The following C19orf12 variants were observed in gnomAD, a reference collection of about 807,000 sequenced individuals.
C19orf12 encodes chromosome 19 open reading frame 12, also known as protein C19orf12.
Under a neutral mutation model 3.8 loss-of-function variants are expected in C19orf12, and 2 were observed. The ratio of observed to expected loss-of-function variants is 0.53; its 90% CI spans 0.22 to 1.66. C19orf12 has a LOEUF of 1.66. C19orf12 is among the 40% of genes most tolerant of loss of function. The pLI is 0.20. For missense variants in C19orf12, 156 were observed against 188.8 expected (o/e 0.83, Z 1.02); for synonymous variants, 89 against 84.6 (o/e 1.05, Z -0.28).
chr19:29,702,181 T>C lies in C19orf12; in HGVS notation c.*531A>G, dbSNP rs1247058501. The C allele has an allele frequency of 2.2e-6, 1 of 454,080 alleles. No homozygotes were observed. Among genetic ancestry groups the C allele is most frequent in the South Asian group, 1.6e-5 (1 of 64,476 alleles). The allele number at this position is 454,080 out of a possible 1,614,324, so 28.1% of individuals were successfully genotyped here. A position where few individuals can be genotyped will look rare whatever the true frequency, so the allele number is the denominator to read the frequency against. ...GCCGCCCGTCCCCTCCGTGGGGCCA[T>C]TCGACAGTCCCTGGGTAGGGGACGG... On this transcript the variant is annotated 3_prime_UTR_variant, in exon 3 of 3. Coordinates refer to ENST00000323670, the MANE Select transcript of C19orf12 (RefSeq NM_031448.6).
intron 2 of C19orf12, chr19:29,705,415 A>G (rs1972323713): frequency 5.6e-6 from 2 of 357,080 alleles, no homozygotes; most frequent in Non-Finnish European, 1.1e-5. Context: ...AAAAAAAAAA[A>G]AAAAAAAAAG....
rs1050118432 is a variant in C19orf12 at position 29,699,412 on chromosome 19, G to A, written c.*3300C>T. The A allele has an allele frequency of 1.8e-5, 7 of 390,604 alleles. No homozygotes were observed. Among genetic ancestry groups the A allele is most frequent in the Non-Finnish European group, 2.5e-5 (5 of 202,864 alleles). The allele number at this position is 390,604 out of a possible 1,614,324, so 24.2% of individuals were successfully genotyped here. A position where few individuals can be genotyped will look rare whatever the true frequency, so the allele number is the denominator to read the frequency against. On this transcript the variant is annotated 3_prime_UTR_variant, in exon 3 of 3. Coordinates refer to ENST00000323670, the MANE Select transcript of C19orf12 (RefSeq NM_031448.6). ...GCAGGAGAATGGCTTGAACCCAGGAGGCAGAGCTTGCAGTGAACCAAGATC... is the reference window on the plus strand; with the variant it reads ...GCAGGAGAATGGCTTGAACCCAGGAAGCAGAGCTTGCAGTGAACCAAGATC...
In C19orf12 at chr19:29,702,358, G is replaced by A. The variant is rs1599532134; in HGVS notation, c.*354C>T. 2.0e-6 allele frequency: 1 copy of A among 502,092 alleles called. No individual in the cohort carries two copies. The highest frequency in any genetic ancestry group is 1.9e-5 in the African/African-American group (1 of 52,170). The allele number at this position is 502,092 out of a possible 1,614,324, so 31.1% of individuals were successfully genotyped here. On this transcript the variant is annotated 3_prime_UTR_variant, in exon 3 of 3. Transcript: ENST00000323670. The stretch of plus-strand genomic sequence containing the variant: ...GAAGGCCCCGGGGGGAGGATGAAGT[G>A]TGGTCAGACCGTCGGCTGAGCGTGA...
Position 29,701,447 on chromosome 19 carries a change from A to G in C19orf12, c.*1265T>C. On this transcript the variant is annotated 3_prime_UTR_variant, in exon 3 of 3. Transcript: ENST00000323670. Reference sequence around the variant, plus strand: ...ATGCTATGTAAATATGCTACACCATATTGTTTAGGGAATAATGGCAAGAAA... The same window carrying G: ...ATGCTATGTAAATATGCTACACCATGTTGTTTAGGGAATAATGGCAAGAAA... The G allele has an allele frequency of 2.2e-6, 1 of 454,154 alleles. No homozygotes were observed. The highest frequency in any genetic ancestry group is 1.6e-5 in the South Asian group (1 of 64,484). The allele number at this position is 454,154 out of a possible 1,614,324, so 28.1% of individuals were successfully genotyped here.
At position 29,699,789 on chromosome 19, in the gene C19orf12, C is replaced by A. The variant is rs1971977958; in HGVS notation, c.*2923G>T. On this transcript the variant is annotated 3_prime_UTR_variant, in exon 3 of 3. Coordinates refer to ENST00000323670, the MANE Select transcript of C19orf12 (RefSeq NM_031448.6). Reference sequence around the variant, plus strand: ...CCCTTGCAGCTTGCGCCCTCCCGTACCTTTTAAATTTTGTACCAGGCAGGT... The same window carrying A: ...CCCTTGCAGCTTGCGCCCTCCCGTAACTTTTAAATTTTGTACCAGGCAGGT... The A allele has an allele frequency of 2.2e-6, 1 of 451,516 alleles. No homozygotes were observed. The highest frequency in any genetic ancestry group is 2.0e-5 in the African/African-American group (1 of 49,768). The allele number at this position is 451,516 out of a possible 1,614,324, so 28.0% of individuals were successfully genotyped here. A position where few individuals can be genotyped will look rare whatever the true frequency, so the allele number is the denominator to read the frequency against.
At chr19:29,709,408 G>A (rs1443605468) in intron 1 of C19orf12, among the ~76,000 whole-genome samples, 1 of 152,198 alleles carries the variant, frequency 6.6e-6, no homozygotes, top group African/African-American at 2.4e-5. Flanking sequence ...CTGAGCCCAA[G>A]GCTCCAGCAG....
chr19:29,709,108 G>C (rs562898046), intron 1 of C19orf12, among the ~76,000 whole-genome samples: 28 of 152,338 alleles, frequency 1.8e-4, no homozygotes, highest in African/African-American at 6.7e-4. Context: ...GTTCTTAAAA[G>C]TCAACACAGT....
chr19:29,704,192 G>A lies in C19orf12; in HGVS notation c.161-1215C>T, dbSNP rs143539053. Reference sequence around the variant, plus strand: ...ATGATCGATAAATAACAAACTGGCCGGGCGCAGTGGCTCACGCCTGTAATC... The same window carrying A: ...ATGATCGATAAATAACAAACTGGCCAGGCGCAGTGGCTCACGCCTGTAATC... On this transcript the variant is annotated intron_variant, in intron 2 of 2. Coordinates refer to ENST00000323670, the MANE Select transcript of C19orf12 (RefSeq NM_031448.6). Among the ~76,000 whole-genome samples, 194 of 152,284 alleles carry A rather than the reference G, an allele frequency of 1.3e-3. 6 individuals are homozygous for A. In the East Asian group the frequency reaches 0.034, roughly 27 times the overall value.
chr19:29,714,487 G>A (rs1299005951), intron 1 of C19orf12, among the ~76,000 whole-genome samples: 2 of 151,980 alleles, frequency 1.3e-5, no homozygotes, highest in African/African-American at 4.8e-5. Flanking sequence ...GAGCAAGACT[G>A]TCTAAACAAA....
At position 29,702,377 on chromosome 19, in the gene C19orf12, A is replaced by C. The variant is rs753687841; in HGVS notation, c.*335T>G. 2 of 530,772 alleles carry C rather than the reference A, an allele frequency of 3.8e-6. No homozygotes were observed. The highest frequency in any genetic ancestry group is 7.2e-6 in the Non-Finnish European group (2 of 277,010). 32.9% of individuals were successfully genotyped at this position (530,772 alleles called of 1,614,324 possible). On this transcript the variant is annotated 3_prime_UTR_variant, in exon 3 of 3. Transcript: ENST00000323670. ...TGAAGTGTGGTCAGACCGTCGGCTG[A>C]GCGTGATCACTTCCCCAGACCCATG...
Position 29,702,314 on chromosome 19 carries a change from G to T in C19orf12, c.*398C>A. The T allele has an allele frequency of 2.1e-6, 1 of 466,160 alleles. No individual in the cohort carries two copies. Among genetic ancestry groups the T allele is most frequent in the Non-Finnish European group, 4.2e-6 (1 of 235,404 alleles). 28.9% of individuals were successfully genotyped at this position (466,160 alleles called of 1,614,324 possible). On this transcript the variant is annotated 3_prime_UTR_variant, in exon 3 of 3. Coordinates refer to ENST00000323670, the MANE Select transcript of C19orf12 (RefSeq NM_031448.6). ...GTCCTGCAGCAGGTGCTCTGAAGAG[G>T]AGTCATCTCCCAAGATGAGAAGGCC...
chr19:29,708,190 T>G (rs1194324815), intron 2 of C19orf12, 64 bp downstream of exon 2: 1 of 1,594,982 alleles, frequency 6.3e-7, no homozygotes, highest in Non-Finnish European at 8.5e-7. Flanking sequence ...CTTCTCCCTG[T>G]GTTTCAACGG....
In C19orf12 at chr19:29,702,495, G is replaced by A. The variant is rs1196781016; in HGVS notation, c.*217C>T. 6 of 735,982 alleles carry A rather than the reference G, an allele frequency of 8.2e-6. No homozygotes were observed. In the Admixed American group the frequency reaches 1.0e-4, roughly 12 times the overall value. The allele number at this position is 735,982 out of a possible 1,614,324, so 45.6% of individuals were successfully genotyped here. ...GCCAGTCAGAGGGCTGTCATGGCAG[G>A]CCAGTGCACATGCCACCAACACATG... On this transcript the variant is annotated 3_prime_UTR_variant, in exon 3 of 3. Transcript: ENST00000323670.
At position 29,702,995 on chromosome 19, in the gene C19orf12, G is replaced by A. The variant is rs113947435; in HGVS notation, c.161-18C>T. 77 of 1,613,566 alleles carry A rather than the reference G, an allele frequency of 4.8e-5. 1 individual carries two copies. In the African/African-American group the frequency reaches 6.8e-4, roughly 14 times the overall value. ...AGCCCCCCCTAGAAAACATGGAATCGTTCAATTAGTGGGTCTTATTCATAA... is the reference window on the plus strand; with the variant it reads ...AGCCCCCCCTAGAAAACATGGAATCATTCAATTAGTGGGTCTTATTCATAA... On this transcript the variant is annotated intron_variant, in intron 2 of 2. Coordinates refer to ENST00000323670, the MANE Select transcript of C19orf12 (RefSeq NM_031448.6).
At chr19:29,715,500 C>A (rs760676412), upstream of C19orf12, 5 of 334,158 alleles carry the variant, frequency 1.5e-5, no homozygotes, top group South Asian at 1.0e-4. Context: ...AGGCCGCGCT[C>A]CCGCAGGCCC....
Position 29,702,255 on chromosome 19 carries a change from T to C in C19orf12, c.*457A>G. ...TCCAGCATGGGCTGCTCCAAGGCCC[T>C]GAGACCCCAGGACCTGCAGGGGGGT... On this transcript the variant is annotated 3_prime_UTR_variant, in exon 3 of 3. Coordinates refer to ENST00000323670, the MANE Select transcript of C19orf12 (RefSeq NM_031448.6). The C allele has an allele frequency of 2.2e-6, 1 of 456,060 alleles. No individual in the cohort carries two copies. Among genetic ancestry groups the C allele is most frequent in the Non-Finnish European group, 4.4e-6 (1 of 228,262 alleles). The allele number at this position is 456,060 out of a possible 1,614,324, so 28.3% of individuals were successfully genotyped here.
chr19:29,706,780 G>A (rs909278514), intron 2 of C19orf12, among the ~76,000 whole-genome samples: 15 of 152,186 alleles, frequency 9.9e-5, no homozygotes, highest in South Asian at 2.1e-4. Flanking sequence ...TCAGCTTAAC[G>A]AAATGTCCTT....
Position 29,699,665 on chromosome 19 carries a change from T to C in C19orf12, c.*3047A>G, listed in dbSNP as rs1971970418. The C allele has an allele frequency of 4.4e-6, 2 of 453,822 alleles. No homozygotes were observed. The highest frequency in any genetic ancestry group is 4.0e-5 in the African/African-American group (2 of 49,966). 28.1% of individuals were successfully genotyped at this position (453,822 alleles called of 1,614,324 possible). A position where few individuals can be genotyped will look rare whatever the true frequency, so the allele number is the denominator to read the frequency against. On this transcript the variant is annotated 3_prime_UTR_variant, in exon 3 of 3. Transcript: ENST00000323670. ...AGCAACAAATACTGACAAAAGGAAA[T>C]GAACAGTTTTCAGAGACTTACTTTA...
chr19:29,706,572 TGAGATGGAGGTGGGGGCACA>T (rs1397294720), intron 2 of C19orf12, among the ~76,000 whole-genome samples: 2 of 152,130 alleles, frequency 1.3e-5, no homozygotes, highest in African/African-American at 4.8e-5. Flanking sequence ...CCCTGAGCAC[TGAGATGGAGGTGGGGGCACA>T]GATGCACAGT....
Sources: allele counts gnomAD v4.1 joint callset (sites outside exome capture counted in the v4.1 genomes callset), GRCh38; gene constraint gnomAD v4.1.1; transcripts MANE v1.5; gene names NCBI Gene and HGNC (gene_info 2026-07-23, HGNC 2026-07-21).